The following SIK3 variants were observed in gnomAD, a reference collection of about 807,000 sequenced individuals.
SIK3 encodes the protein serine/threonine-protein kinase SIK3.
In SIK3, 28 loss-of-function variants were observed where a neutral mutation model predicts 144.2. That is an observed-to-expected ratio of 0.19 (90% CI 0.14 to 0.27). SIK3 has a LOEUF of 0.27. Ranked by LOEUF, SIK3 falls within the 10% of genes least tolerant of loss-of-function variation. The probability of loss-of-function intolerance (pLI) is 1.00; values close to 1 mark genes in which losing one functional copy is unlikely to be tolerated. For synonymous variants in SIK3, 686 were observed against 676.3 expected, an observed-to-expected ratio of 1.01 and a Z score of -0.22; for missense variants, 1,319 against 1,776.0, an observed-to-expected ratio of 0.74 and a Z score of 4.62.
intron 1 of SIK3, among the ~76,000 whole-genome samples, chr11:117,044,895 A>T (rs1368572310): frequency 6.6e-6 from 1 of 152,102 alleles, no homozygotes; most frequent in Non-Finnish European, 1.5e-5. Context: ...AAAAAACAAC[A>T]TGGCAAATCA....
In SIK3 at chr11:116,858,454, G is replaced by T. The variant is rs146000918; in HGVS notation, c.3011C>A (p.Pro1004Gln). The T allele has an allele frequency of 1.2e-6, 2 of 1,605,064 alleles. No individual in the cohort carries two copies. The highest frequency in any genetic ancestry group is 8.5e-7 in the Non-Finnish European group (1 of 1,174,122). ...CTGCTGGTGTCTTGTATAGTCTGGC[G>T]GCGTGGGAGACAGCAGGGCCTGCTG... ...ALQQALLSPTPPDYTRHQQVP... is the reference protein window; with the variant it reads ...ALQQALLSPTQPDYTRHQQVP... The change falls in exon 21 of 25, where the codon CCG becomes CAG. Residue 1004 changes from proline (P) to glutamine (Q), a missense_variant. Physicochemically the swap from Pro to Gln is moderately conservative, Grantham distance 76. This residue lies in a region of SIK3 where 646 missense variants were observed against 763.7 expected (regional missense o/e 0.85). Coordinates refer to ENST00000445177, the MANE Select transcript of SIK3 (RefSeq NM_001366686.3). The surrounding 1 kb of genome is among the most constrained non-coding windows in gnomAD (Gnocchi z 5.4).
intron 1 of SIK3, among the ~76,000 whole-genome samples, chr11:117,027,427 CT>C (rs1387360864): frequency 1.1e-5 from 1 of 89,248 alleles, no homozygotes. Flanking sequence ...AGGCTGTTTT[CT>C]TTTTTTTTCT....
intron 4 of SIK3, among the ~76,000 whole-genome samples, chr11:116,908,375 A>T (rs561072438): frequency 6.6e-6 from 1 of 152,222 alleles, no homozygotes; most frequent in Non-Finnish European, 1.5e-5. Context: ...GCTACTCGAG[A>T]GGCTGAGGCA....
At chr11:116,955,207 G>A (rs1949094988) in intron 2 of SIK3, among the ~76,000 whole-genome samples, 1 of 152,136 alleles carries the variant, frequency 6.6e-6, no homozygotes, top group African/African-American at 2.4e-5. Flanking sequence ...AGACCAGCCT[G>A]GCCAACACAG....
At chr11:116,905,486 G>A (rs888884302) in intron 4 of SIK3, among the ~76,000 whole-genome samples, 2 of 152,146 alleles carry the variant, frequency 1.3e-5, no homozygotes, top group Non-Finnish European at 2.9e-5. Context: ...GGAACTGCTG[G>A]GTCATATGGT....
At chr11:116,956,352 A>T (rs542956229) in intron 2 of SIK3, among the ~76,000 whole-genome samples, 1 of 151,788 alleles carries the variant, frequency 6.6e-6, no homozygotes, top group African/African-American at 2.4e-5. Context: ...AAAAAAAACT[A>T]AAATAGAAAT....
intron 1 of SIK3, among the ~76,000 whole-genome samples, chr11:117,004,392 T>C (rs1290650400): frequency 6.6e-6 from 1 of 152,066 alleles, no homozygotes; most frequent in African/African-American, 2.4e-5. Context: ...GGTGCACACC[T>C]GTGGTCCCAG....
chr11:117,005,939 G>T (rs1264756380), intron 1 of SIK3, among the ~76,000 whole-genome samples: 1 of 152,124 alleles, frequency 6.6e-6, no homozygotes, highest in Non-Finnish European at 1.5e-5. Context: ...AAAGTGAGGT[G>T]CTGGGAGAAT....
At position 117,007,546 on chromosome 11, in the gene SIK3, C is replaced by T. The variant is rs186746192; in HGVS notation, c.274-50482G>A. Among the ~76,000 whole-genome samples, 313 of 152,344 alleles carry T rather than the reference C, an allele frequency of 2.1e-3. 3 individuals are homozygous for T. Among genetic ancestry groups the T allele is most frequent in the African/African-American group, 7.0e-3 (292 of 41,582 alleles). On this transcript the variant is annotated intron_variant, in intron 1 of 24. Transcript: ENST00000445177. ...AAGGAAGGGAGAGGAGGGGTGAGCA[C>T]ACAGGTGTACATGTGCCAATGCACA...
chr11:116,986,488 A>C (rs1458701680), intron 1 of SIK3, among the ~76,000 whole-genome samples: 1 of 152,028 alleles, frequency 6.6e-6, no homozygotes, highest in Admixed American at 6.6e-5. Context: ...CTTTATTTAA[A>C]CCTCCTAACC....
chr11:117,000,829 A>G (rs145849481), intron 1 of SIK3, among the ~76,000 whole-genome samples: 8 of 152,250 alleles, frequency 5.3e-5, no homozygotes, highest in African/African-American at 1.9e-4. Flanking sequence ...TGAGATCATT[A>G]GTCATTGACA....
At chr11:117,088,410 G>C (rs1955107510) in intron 1 of SIK3, among the ~76,000 whole-genome samples, 1 of 152,156 alleles carries the variant, frequency 6.6e-6, no homozygotes, top group African/African-American at 2.4e-5. Flanking sequence ...GAAAAAGGTA[G>C]AAAATTACTT....
intron 21 of SIK3, chr11:116,857,130 G>A (rs970646080): frequency 6.6e-6 from 1 of 152,132 alleles, no homozygotes; most frequent in Admixed American, 6.6e-5. Context: ...AAATGATAAT[G>A]GGGGCCCTTA....
chr11:117,003,120 A>G (rs1211426313), intron 1 of SIK3, among the ~76,000 whole-genome samples: 4 of 152,262 alleles, frequency 2.6e-5, no homozygotes, highest in African/African-American at 9.6e-5. Flanking sequence ...TGCCTACCAC[A>G]GTAACATCTC....
intron 1 of SIK3, among the ~76,000 whole-genome samples, chr11:117,009,232 C>CAAAA (rs397848244): frequency 2.5e-5 from 2 of 78,506 alleles, no homozygotes; most frequent in Admixed American, 1.5e-4. Flanking sequence ...GACACTGTCT[C>CAAAA]AAAAAAAAAA....
chr11:116,912,629 C>T (rs992996151), intron 4 of SIK3, among the ~76,000 whole-genome samples: 2 of 152,142 alleles, frequency 1.3e-5, no homozygotes, highest in African/African-American at 4.8e-5. Context: ...TATAAGTAAA[C>T]AGCTTGGAAG....
chr11:117,091,636 A>G (rs1955252727), intron 1 of SIK3, among the ~76,000 whole-genome samples: 1 of 152,206 alleles, frequency 6.6e-6, no homozygotes, highest in Non-Finnish European at 1.5e-5. Flanking sequence ...GATCATGCTT[A>G]ATTTATGTGC....
intron 1 of SIK3, among the ~76,000 whole-genome samples, chr11:117,031,451 G>A (rs1952254260): frequency 6.7e-6 from 1 of 149,334 alleles, no homozygotes. Flanking sequence ...AATTGCTTCT[G>A]CATCTTTATC....
chr11:117,086,547 C>A (rs3863307), intron 1 of SIK3, among the ~76,000 whole-genome samples: 1 of 151,470 alleles, frequency 6.6e-6, no homozygotes, highest in Non-Finnish European at 1.5e-5. Context: ...AAAAATTAGC[C>A]GGGTGTGGTG....
Sources: gnomAD v4.1 joint callset for allele counts (sites outside exome capture counted in the v4.1 genomes callset) on GRCh38, gnomAD v4.1.1 for gene constraint, gnomAD v4.1.1 regional missense constraint, Gnocchi (gnomAD v3.1) non-coding constraint, MANE v1.5 for transcripts, NCBI Gene and HGNC (gene_info 2026-07-23, HGNC 2026-07-21) for gene names.